Variants in ADCY10 observed in about 807,000 individuals in gnomAD.
The protein encoded by ADCY10 is adenylate cyclase 10.
In ADCY10, 156 loss-of-function variants were observed where a neutral mutation model predicts 183.3. The observed-to-expected ratio is 0.85, with a 90% confidence interval of 0.75 to 0.97. The LOEUF (loss-of-function observed/expected upper bound fraction) is 0.97, where lower values mean the gene tolerates loss of function less well. ADCY10 is among the 50% of genes least tolerant of loss of function. ADCY10 has a pLI of 0.00. For missense variants in ADCY10, 1,745 were observed against 1,934.3 expected (o/e 0.90, Z 1.84); for synonymous variants, 645 against 670.0 (o/e 0.96, Z 0.58).
At chr1:167,878,768 A>G in intron 11 of ADCY10, 133 bp from the exon 12 acceptor site, 1 of 906,190 alleles carries the variant, frequency 1.1e-6, no homozygotes, top group Non-Finnish European at 1.7e-6. Flanking sequence ...ACAGAAGCCT[A>G]GTCTCAAGAC....
chr1:167,895,139 G>A (rs895692538), intron 7 of ADCY10, among the ~76,000 whole-genome samples: 3 of 148,340 alleles, frequency 2.0e-5, no homozygotes, highest in South Asian at 2.1e-4. Flanking sequence ...CCCATATCGC[G>A]CCAGTGCACT....
intron 9 of ADCY10, among the ~76,000 whole-genome samples, chr1:167,882,022 T>G (rs1376753697): frequency 2.0e-5 from 3 of 152,342 alleles, no homozygotes; most frequent in Admixed American, 2.0e-4. Flanking sequence ...CTTTTCGTCT[T>G]CTATGAAATG....
In ADCY10 at chr1:167,823,192, T is replaced by G. The variant is rs1663027244; in HGVS notation, c.4053-69A>C. ...TTGTAATCCCAGCACTTTGGGAGGC[T>G]GAGGTGGGTGGATCACGAGGTCAGG... On this transcript the variant is annotated intron_variant, in intron 28 of 32. Transcript: ENST00000367851. 3.7e-6 allele frequency: 5 copies of G among 1,338,370 alleles called. No individual in the cohort carries two copies. The Admixed American group carries it at 8.7e-5, about 23-fold the overall frequency. The allele number at this position is 1,338,370 out of a possible 1,614,324, so 82.9% of individuals were successfully genotyped here.
In ADCY10 at chr1:167,906,291, C is replaced by A. The variant is rs75184582; in HGVS notation, c.-58-1093G>T. On this transcript the variant is annotated intron_variant, in intron 1 of 32. Transcript: ENST00000367851. Reference sequence around the variant, plus strand: ...GTGCTAAATGTTACATATTGGATAACCTTTAAAAGGAAAAGTCCTGGCAAA... The same window carrying A: ...GTGCTAAATGTTACATATTGGATAAACTTTAAAAGGAAAAGTCCTGGCAAA... 4.5e-3 allele frequency among the ~76,000 whole-genome samples: 672 copies of A among 150,472 alleles called. 6 individuals are homozygous for A. The East Asian group carries it at 0.046, about 10-fold the overall frequency.
At chr1:167,880,717 G>C (rs1045370693) in intron 9 of ADCY10, 108 bp from the exon 10 acceptor site, 2 of 787,198 alleles carry the variant, frequency 2.5e-6, no homozygotes, top group Non-Finnish European at 4.6e-6. Flanking sequence ...TTCTGAATCA[G>C]ATTTTATCAT....
At chr1:167,870,922 G>A (rs1003152461) in intron 13 of ADCY10, among the ~76,000 whole-genome samples, 1 of 151,994 alleles carries the variant, frequency 6.6e-6, no homozygotes, top group African/African-American at 2.4e-5. Context: ...TAACCATGTG[G>A]TTTTGCAGTT....
At chr1:167,876,835 G>A (rs766402721) in intron 12 of ADCY10, among the ~76,000 whole-genome samples, 4 of 152,180 alleles carry the variant, frequency 2.6e-5, no homozygotes, top group Non-Finnish European at 4.4e-5. Flanking sequence ...ATAAGACATA[G>A]GAAGAGGCTT....
chr1:167,865,156 T>C (rs1446891803), intron 14 of ADCY10, among the ~76,000 whole-genome samples: 1 of 152,108 alleles, frequency 6.6e-6, no homozygotes, highest in Non-Finnish European at 1.5e-5. Context: ...ATGTGCAAGG[T>C]GCATAAGAAA....
At position 167,880,622 on chromosome 1, in the gene ADCY10, G is replaced by A. The variant is rs565679795; in HGVS notation, c.1021-13C>T. ...GGAAAGAGCAGCCCTGTGAGGGAGA[G>A]AGACAGCAACCACAGCTGATGGACA... On this transcript the variant is annotated splice_polypyrimidine_tract_variant and intron_variant, in intron 9 of 32. Coordinates refer to ENST00000367851, the MANE Select transcript of ADCY10 (RefSeq NM_018417.6). 1 of 1,586,410 alleles carries A rather than the reference G, an allele frequency of 6.3e-7. No homozygotes were observed. Among genetic ancestry groups the A allele is most frequent in the Non-Finnish European group, 8.7e-7 (1 of 1,154,904 alleles).
At chr1:167,868,690 C>A (rs1030029535) in intron 14 of ADCY10, among the ~76,000 whole-genome samples, 1 of 152,136 alleles carries the variant, frequency 6.6e-6, no homozygotes, top group Non-Finnish European at 1.5e-5. Context: ...TACAAATAGG[C>A]GAACTCCTGG....
At chr1:167,861,926 C>T (rs1210970744) in intron 14 of ADCY10, among the ~76,000 whole-genome samples, 2 of 152,158 alleles carry the variant, frequency 1.3e-5, no homozygotes, top group Non-Finnish European at 2.9e-5. Context: ...CTCCCTTGCT[C>T]GCTCTCTCCT....
chr1:167,840,752 G>GAA (rs11380658), intron 21 of ADCY10, among the ~76,000 whole-genome samples: 296 of 151,488 alleles, frequency 2.0e-3, no homozygotes, highest in African/African-American at 6.9e-3. Context: ...AAAATCAAAA[G>GAA]AAAAAAACAT....
At chr1:167,893,419 A>T (rs774951888) in intron 8 of ADCY10, among the ~76,000 whole-genome samples, 2 of 152,146 alleles carry the variant, frequency 1.3e-5, no homozygotes, top group Non-Finnish European at 2.9e-5. Context: ...ACATATAGAG[A>T]ATGTCTTTTT....
At position 167,899,463 on chromosome 1, in the gene ADCY10, A is replaced by T. The variant is rs1453955242; in HGVS notation, c.602T>A (p.Met201Lys). Residue 201 changes from methionine to lysine, a missense_variant, in exon 6 of 33, where the codon ATG becomes AAG. Met to Lys is a moderately conservative substitution (Grantham distance 95). Transcript: ENST00000367851. ...ATCTGGAACACTCTCAATTTCAATC[A>T]TGCTCCGGTCACAGAGCTGCCAGCA... ...PNCWQLCDRSMIEIESVPDQR... is the reference protein window; with the variant it reads ...PNCWQLCDRSKIEIESVPDQR... 6.2e-7 allele frequency: 1 copy of T among 1,614,224 alleles called. No homozygotes were observed. Among genetic ancestry groups the T allele is most frequent in the Admixed American group, 1.7e-5 (1 of 60,014 alleles).
chr1:167,834,146 C>T (rs1392262065), intron 23 of ADCY10, 69 bp from the exon 24 acceptor site: 16 of 1,173,596 alleles, frequency 1.4e-5, no homozygotes, highest in Non-Finnish European at 6.4e-6. Flanking sequence ...GGGCCATTGC[C>T]CCAGACTCTA....
rs1318641089 is a variant in ADCY10 at position 167,904,980 on chromosome 1, CT to C, written c.148+12del. On this transcript the variant is annotated intron_variant, in intron 2 of 32. Transcript: ENST00000367851. ...GCTCATCCACATTAAACAAACATCC[CT>C]TTTGCACTTGCCTGAAATATCAACA... is the stretch of plus-strand genomic sequence containing the variant. 1 of 1,614,066 alleles carries C rather than the reference CT, an allele frequency of 6.2e-7. No homozygotes were observed. The highest frequency in any genetic ancestry group is 8.5e-7 in the Non-Finnish European group (1 of 1,180,030).
intron 32 of ADCY10, 125 bp from the exon 33 acceptor site, chr1:167,809,964 C>A: frequency 1.1e-6 from 1 of 939,192 alleles, no homozygotes; most frequent in Admixed American, 2.0e-5. Flanking sequence ...TAGACAAAAA[C>A]GAATCTTGCT....
chr1:167,838,208 T>A lies in ADCY10; in HGVS notation c.3008-890A>T, dbSNP rs188041026. On this transcript the variant is annotated intron_variant, in intron 21 of 32. Coordinates refer to ENST00000367851, the MANE Select transcript of ADCY10 (RefSeq NM_018417.6). ...CTCCATAGATAAGTACCCCAACTCC[T>A]GTGTGCCCGTCAACCCTGTGCAGAC... is the stretch of plus-strand genomic sequence containing the variant. Among the ~76,000 whole-genome samples, 87 of 152,338 alleles carry A rather than the reference T, an allele frequency of 5.7e-4. 5 individuals are homozygous for A. The highest frequency in any genetic ancestry group is 5.5e-3 in the Admixed American group (84 of 15,292).
chr1:167,827,083 A>T (rs1005391623), intron 26 of ADCY10, among the ~76,000 whole-genome samples: 1 of 152,164 alleles, frequency 6.6e-6, no homozygotes, highest in African/African-American at 2.4e-5. Context: ...AGCTCCTCCA[A>T]CAGTAGCTCC....
Sources: gnomAD v4.1 joint callset for allele counts (sites outside exome capture counted in the v4.1 genomes callset) on GRCh38, gnomAD v4.1.1 for gene constraint, MANE v1.5 for transcripts, NCBI Gene and HGNC (gene_info 2026-07-23, HGNC 2026-07-21) for gene names.